NBN: variants seen among roughly 807,000 people sequenced by gnomAD.
The protein encoded by NBN is nibrin.
In NBN, 88 loss-of-function variants were observed where a neutral mutation model predicts 90.8. That is an observed-to-expected ratio of 0.97 (90% CI 0.82 to 1.16). NBN has a LOEUF of 1.16. Among genes scored for constraint, NBN ranks in the 50% most tolerant of loss-of-function variants. NBN has a pLI of 0.00. For missense variants in NBN, 894 were observed against 869.6 expected (o/e 1.03, Z -0.35); for synonymous variants, 328 against 295.1 (o/e 1.11, Z -1.14).
intron 5 of NBN, among the ~76,000 whole-genome samples, chr8:89,974,019 T>C (rs1355967950): frequency 6.6e-6 from 1 of 152,190 alleles, no homozygotes; most frequent in East Asian, 1.9e-4. Flanking sequence ...ACATTTTCTA[T>C]TTAAATTCTT....
intron 7 of NBN, 67 bp from the exon 8 acceptor site, chr8:89,964,574 C>A: frequency 6.9e-7 from 1 of 1,442,256 alleles, no homozygotes; most frequent in Admixed American, 1.8e-5. Context: ...CAGATAATGT[C>A]AAGATAAAGC....
At chr8:89,950,086 TCAAA>T (rs548552722) in intron 11 of NBN, among the ~76,000 whole-genome samples, 163 of 152,300 alleles carry the variant, frequency 1.1e-3, no homozygotes, top group African/African-American at 3.8e-3. Context: ...AACAATTGTC[TCAAA>T]CAGTTTTTAA....
chr8:89,972,971 C>T (rs1353157884), intron 5 of NBN, among the ~76,000 whole-genome samples: 1 of 152,206 alleles, frequency 6.6e-6, no homozygotes, highest in Non-Finnish European at 1.5e-5. Context: ...CCATAGATAA[C>T]AGTTTACAGT....
At chr8:89,948,307 T>G (rs948057184) in intron 11 of NBN, among the ~76,000 whole-genome samples, 7 of 152,218 alleles carry the variant, frequency 4.6e-5, no homozygotes, top group African/African-American at 1.4e-4. Context: ...ATCAACAAAC[T>G]GTCTGTTTTA....
intron 1 of NBN, chr8:89,984,279 G>A: frequency 1.7e-6 from 1 of 593,126 alleles, no homozygotes; most frequent in South Asian, 2.0e-5. Flanking sequence ...GTCAGGGGAG[G>A]GGCGCGGAGG....
intron 2 of NBN, 100 bp downstream of exon 2, chr8:89,982,622 T>C: frequency 8.9e-7 from 1 of 1,122,746 alleles, no homozygotes; most frequent in African/African-American, 1.5e-5. Flanking sequence ...CTCTATAAAA[T>C]GACAAATCCT....
chr8:89,976,865 T>C (rs1811782537), intron 5 of NBN, among the ~76,000 whole-genome samples: 1 of 152,194 alleles, frequency 6.6e-6, no homozygotes, highest in Non-Finnish European at 1.5e-5. Context: ...GGAGTATAAA[T>C]ACAAAAAAAC....
At chr8:89,957,767 A>G (rs896161090) in intron 9 of NBN, among the ~76,000 whole-genome samples, 4 of 152,174 alleles carry the variant, frequency 2.6e-5, no homozygotes, top group East Asian at 1.9e-4. Context: ...AACATGCCAT[A>G]TAAGTGTGTA....
chr8:89,933,767 T>C lies in NBN; in HGVS notation c.*1815A>G, dbSNP rs1809540779. On this transcript the variant is annotated 3_prime_UTR_variant, in exon 16 of 16. Coordinates refer to ENST00000265433, the MANE Select transcript of NBN (RefSeq NM_002485.5). The stretch of plus-strand genomic sequence containing the variant: ...TGACCTTGTCAAAATTTAAAACTTC[T>C]ATTCATCAAAAGACATAAAGAAAAC... 1 of 232,518 alleles carries C rather than the reference T, an allele frequency of 4.3e-6. No homozygotes were observed. The highest frequency in any genetic ancestry group is 2.2e-5 in the African/African-American group (1 of 45,402). The allele number at this position is 232,518 out of a possible 1,614,324, so 14.4% of individuals were successfully genotyped here.
rs762702597 is a variant in NBN at position 89,981,444 on chromosome 8, T to C, written c.251A>G (p.Gln84Arg). The C allele has an allele frequency of 1.2e-5, 20 of 1,614,124 alleles. No individual in the cohort carries two copies. The South Asian group carries it at 1.9e-4, about 15-fold the overall frequency. The change falls in exon 3 of 16, where the codon CAG (glutamine) becomes CGG (arginine). Residue 84 changes from glutamine to arginine, a missense_variant. Transcript: ENST00000265433. ...YGTFVNEEKMQNGFSRTLKSG... is the reference protein window; with the variant it reads ...YGTFVNEEKMRNGFSRTLKSG... ...CTTCAAAGTTCGGGAAAAGCCATTC[T>C]GCATTTTTTCCTCATTAACAAAGGT...
At chr8:89,971,325 A>G in intron 5 of NBN, 35 bp from the exon 6 acceptor site, 1 of 1,570,874 alleles carries the variant, frequency 6.4e-7, no homozygotes, top group Non-Finnish European at 8.7e-7. Flanking sequence ...CTAATTATAT[A>G]CTACTATGTT....
chr8:89,937,664 T>G (rs1809755704), intron 14 of NBN, among the ~76,000 whole-genome samples: 1 of 152,196 alleles, frequency 6.6e-6, no homozygotes, highest in Non-Finnish European at 1.5e-5. Flanking sequence ...TTTGAAACCC[T>G]TCGTGACTTC....
chr8:89,969,161 A>T (rs1586083854), intron 7 of NBN, among the ~76,000 whole-genome samples: 1 of 152,218 alleles, frequency 6.6e-6, no homozygotes, highest in African/African-American at 2.4e-5. Context: ...CATGAAGAGC[A>T]ATTTAGTCAG....
At chr8:89,939,202 A>C (rs1376858674) in intron 14 of NBN, among the ~76,000 whole-genome samples, 1 of 152,042 alleles carries the variant, frequency 6.6e-6, no homozygotes, top group Non-Finnish European at 1.5e-5. Flanking sequence ...TAGAGAAAGA[A>C]GGGATGAAAA....
chr8:89,982,735 G>C lies in NBN; in HGVS notation c.158C>G (p.Ser53Cys), dbSNP rs876660243. Residue 53 changes from serine to cysteine, a missense_variant, in exon 2 of 16, where the codon TCT becomes TGT. Coordinates refer to ENST00000265433, the MANE Select transcript of NBN (RefSeq NM_002485.5). ...TTAGTAACATACCAGGTTGGTTACA[G>C]AAAAGTTAGCAGTTAACACAGCATG... ...RNHAVLTANF[S>C]VTNLSQTDEI... 3.1e-6 allele frequency: 5 copies of C among 1,613,952 alleles called. No homozygotes were observed. Among genetic ancestry groups the C allele is most frequent in the Non-Finnish European group, 4.2e-6 (5 of 1,179,886 alleles).
intron 5 of NBN, among the ~76,000 whole-genome samples, chr8:89,977,390 C>T (rs777425251): frequency 6.6e-5 from 10 of 152,064 alleles, no homozygotes; most frequent in Non-Finnish European, 1.2e-4. Flanking sequence ...TCCCTGCAAA[C>T]GACATGAACT....
At chr8:89,954,108 G>C (rs1027129458) in intron 10 of NBN, among the ~76,000 whole-genome samples, 2 of 152,120 alleles carry the variant, frequency 1.3e-5, no homozygotes, top group Non-Finnish European at 2.9e-5. Context: ...ATTCAAGACA[G>C]TAAGTCAGAG....
At position 89,934,403 on chromosome 8, in the gene NBN, T is replaced by TA; in HGVS notation, c.*1178dup. On this transcript the variant is annotated 3_prime_UTR_variant, in exon 16 of 16. Transcript: ENST00000265433. ...TTCCCTAGGAAGGCTGAGAAGCTTT[T>TA]AAAAAAAGACCTTCATTTCCCTAAC... 4.3e-6 allele frequency: 1 copy of TA among 232,998 alleles called. No individual in the cohort carries two copies. The highest frequency in any genetic ancestry group is 8.5e-6 in the Non-Finnish European group (1 of 117,900). 14.4% of individuals were successfully genotyped at this position (232,998 alleles called of 1,614,324 possible). A position where few individuals can be genotyped will look rare whatever the true frequency, so the allele number is the denominator to read the frequency against.
rs1212846738 is a variant in NBN, at chr8:89,935,478, G to GTAA, written c.*101_*103dup. The GTAA allele has an allele frequency of 2.2e-6, 3 of 1,353,460 alleles. No individual in the cohort carries two copies. The allele number at this position is 1,353,460 out of a possible 1,614,324, so 83.8% of individuals were successfully genotyped here. ...TAATAAATTTAGGCCATAAAACATT[G>GTAA]TAACTTAAATCGCTTCTATACACTA... is the stretch of plus-strand genomic sequence containing the variant. On this transcript the variant is annotated 3_prime_UTR_variant, in exon 16 of 16. Coordinates refer to ENST00000265433, the MANE Select transcript of NBN (RefSeq NM_002485.5).
Sources: allele counts gnomAD v4.1 joint callset (sites outside exome capture counted in the v4.1 genomes callset), GRCh38; gene constraint gnomAD v4.1.1; transcripts MANE v1.5; gene names NCBI Gene and HGNC (gene_info 2026-07-23, HGNC 2026-07-21).